SUGCT: variants seen among roughly 807,000 people sequenced by gnomAD.
The protein encoded by SUGCT is succinyl-CoA:glutarate CoA-transferase.
In SUGCT, 41 loss-of-function variants were observed where a neutral mutation model predicts 55.0. The ratio of observed to expected loss-of-function variants is 0.74; its 90% CI spans 0.58 to 0.97. The LOEUF (loss-of-function observed/expected upper bound fraction) is 0.97, where lower values mean the gene tolerates loss of function less well. Among genes scored for constraint, SUGCT ranks in the 50% least tolerant of loss-of-function variants. The pLI, the probability that SUGCT is intolerant of heterozygous loss-of-function variation, is 0.00. For missense variants in SUGCT, 568 were observed against 547.8 expected (o/e 1.04, Z -0.37); for synonymous variants, 187 against 200.4 (o/e 0.93, Z 0.56).
At chr7:40,834,317 C>T (rs9639838) in intron 13 of SUGCT, among the ~76,000 whole-genome samples, 35,461 of 151,744 alleles carry the variant, frequency 0.23, 5,130 homozygotes, top group East Asian at 0.79. Flanking sequence ...ATTATTAACA[C>T]TTTTAATAGT....
At chr7:40,880,560 C>G in the SUGCT span, among the ~76,000 whole-genome samples, 2 of 152,104 alleles carry the variant, frequency 1.3e-5, no homozygotes, top group Admixed American at 6.5e-5. Context: ...TATTTATTTA[C>G]TGGGTAAAAG....
At chr7:40,389,104 A>C (rs1465514507) in intron 9 of SUGCT, among the ~76,000 whole-genome samples, 2 of 152,168 alleles carry the variant, frequency 1.3e-5, no homozygotes, top group Admixed American at 1.3e-4. Flanking sequence ...AACTTAGATA[A>C]AATATAAGAA....
At chr7:40,945,700 G>A in the SUGCT span, among the ~76,000 whole-genome samples, 5 of 152,120 alleles carry the variant, frequency 3.3e-5, no homozygotes, top group Non-Finnish European at 7.3e-5. Context: ...TCTGCCATGT[G>A]GATTATTTGT....
chr7:40,499,456 C>A, intron 12 of SUGCT: 1 of 192,684 alleles, frequency 5.2e-6, no homozygotes, highest in Non-Finnish European at 1.1e-5. Context: ...TCGATTCAAT[C>A]AAAACAACAG....
At chr7:40,826,516 T>A (rs192752271) in intron 13 of SUGCT, among the ~76,000 whole-genome samples, 6 of 152,260 alleles carry the variant, frequency 3.9e-5, no homozygotes, top group Non-Finnish European at 7.4e-5. Flanking sequence ...TGGAAGGTAT[T>A]TGAGTTTGCT....
In SUGCT at chr7:40,814,991, T is replaced by C. The variant is rs74548128; in HGVS notation, c.1154-45325T>C. ...AGCCCCATGCACTTCTGATGGCAGG[T>C]TTTATATTGGGCTCTGCAGTTTGAC... On this transcript the variant is annotated intron_variant, in intron 13 of 13. Coordinates refer to ENST00000335693, the MANE Select transcript of SUGCT (RefSeq NM_001193313.2). Among the ~76,000 whole-genome samples the C allele has an allele frequency of 2.2e-3, 331 of 152,248 alleles. 3 individuals are homozygous for C. Among genetic ancestry groups the C allele is most frequent in the African/African-American group, 7.4e-3 (309 of 41,550 alleles).
chr7:40,222,613 G>A (rs1788078140), intron 6 of SUGCT, among the ~76,000 whole-genome samples: 1 of 152,178 alleles, frequency 6.6e-6, no homozygotes, highest in Non-Finnish European at 1.5e-5. Flanking sequence ...AGGCTGAGAT[G>A]GGCAGATAAC....
At chr7:40,744,922 C>T (rs1434305299) in intron 12 of SUGCT, among the ~76,000 whole-genome samples, 1 of 152,170 alleles carries the variant, frequency 6.6e-6, no homozygotes, top group East Asian at 1.9e-4. Context: ...TTACTTGCTC[C>T]TCTTTGGATT....
intron 12 of SUGCT, among the ~76,000 whole-genome samples, chr7:40,714,405 CA>C (rs1233446782): frequency 6.6e-6 from 1 of 152,044 alleles, no homozygotes; most frequent in African/African-American, 2.4e-5. Context: ...CACCCAAATT[CA>C]AAAGATTCTC....
intron 7 of SUGCT, among the ~76,000 whole-genome samples, chr7:40,265,095 C>G (rs976346702): frequency 3.3e-5 from 5 of 151,972 alleles, no homozygotes; most frequent in Non-Finnish European, 1.5e-5. Flanking sequence ...ATTTATATTT[C>G]GGAAAGTGGT....
chr7:40,407,042 A>AT (rs891378044), intron 9 of SUGCT, among the ~76,000 whole-genome samples: 77 of 152,266 alleles, frequency 5.1e-4, no homozygotes, highest in African/African-American at 1.7e-3. Context: ...ACTTAAATAC[A>AT]TTTTTTTGTC....
At chr7:40,681,550 C>T (rs1784245700) in intron 12 of SUGCT, among the ~76,000 whole-genome samples, 1 of 152,156 alleles carries the variant, frequency 6.6e-6, no homozygotes, top group Admixed American at 6.5e-5. Context: ...GAGCTCTAAG[C>T]AAGGCAAATC....
chr7:40,669,572 T>C (rs141316389), intron 12 of SUGCT, among the ~76,000 whole-genome samples: 1 of 149,274 alleles, frequency 6.7e-6, no homozygotes, highest in African/African-American at 2.5e-5. Flanking sequence ...AGCAAAGAAA[T>C]AGAAGATCTA....
chr7:40,282,143 C>G (rs183229492), intron 8 of SUGCT, among the ~76,000 whole-genome samples: 39 of 152,044 alleles, frequency 2.6e-4, no homozygotes, highest in African/African-American at 8.9e-4. Flanking sequence ...ACTGTACTTT[C>G]CCTATTGTGT....
chr7:40,458,227 C>T (rs1429179206), intron 10 of SUGCT, among the ~76,000 whole-genome samples: 1 of 152,194 alleles, frequency 6.6e-6, no homozygotes, highest in Non-Finnish European at 1.5e-5. Flanking sequence ...TTTCTGTAGG[C>T]CGCATGGCCT....
chr7:40,755,134 C>G (rs1000077977), intron 13 of SUGCT, among the ~76,000 whole-genome samples: 3 of 152,132 alleles, frequency 2.0e-5, no homozygotes, highest in Non-Finnish European at 2.9e-5. Flanking sequence ...AGCTAATAAT[C>G]ACATTAAATA....
At chr7:40,738,508 A>T (rs547628172) in intron 12 of SUGCT, among the ~76,000 whole-genome samples, 24 of 152,320 alleles carry the variant, frequency 1.6e-4, no homozygotes, top group African/African-American at 5.5e-4. Context: ...GTTAAAAATG[A>T]TGTTTGAAGA....
intron 12 of SUGCT, among the ~76,000 whole-genome samples, chr7:40,509,830 T>C (rs1254605865): frequency 2.6e-5 from 4 of 152,206 alleles, no homozygotes; most frequent in East Asian, 3.9e-4. Context: ...AATCCTCAAA[T>C]AGCTGCTCCT....
chr7:40,210,385 A>G (rs1485749280), intron 6 of SUGCT, among the ~76,000 whole-genome samples: 2 of 151,980 alleles, frequency 1.3e-5, no homozygotes, highest in Non-Finnish European at 2.9e-5. Context: ...TTTGCCTGCT[A>G]TACACCCTCA....
Sources: allele counts gnomAD v4.1 joint callset (sites outside exome capture counted in the v4.1 genomes callset), GRCh38; gene constraint gnomAD v4.1.1; transcripts MANE v1.5; gene names NCBI Gene and HGNC (gene_info 2026-07-23, HGNC 2026-07-21).